The following KMT2C variants were observed in gnomAD, a reference collection of about 807,000 sequenced individuals.
KMT2C encodes the protein histone-lysine N-methyltransferase 2C.
In KMT2C, 88 loss-of-function variants were observed where a neutral mutation model predicts 507.9. The ratio of observed to expected loss-of-function variants is 0.17; its 90% confidence interval spans 0.15 to 0.21. KMT2C has a LOEUF of 0.21. Among genes scored for constraint, KMT2C ranks in the 10% least tolerant of loss-of-function variants. The probability of loss-of-function intolerance (pLI) is 1.00; values close to 1 mark genes in which losing one functional copy is unlikely to be tolerated. For synonymous variants in KMT2C, 2,049 were observed against 2,080.8 expected, an observed-to-expected ratio of 0.98 and a Z score of 0.42; for missense variants, 4,954 against 5,957.8, an observed-to-expected ratio of 0.83 and a Z score of 5.55.
chr7:152,185,126 C>T (rs1304605392), intron 34 of KMT2C, among the ~76,000 whole-genome samples: 7 of 152,102 alleles, frequency 4.6e-5, no homozygotes, highest in East Asian at 1.9e-4. Context: ...CTATGTAAAT[C>T]GTTGTTACAT....
At chr7:152,368,254 A>G (rs927969497) in intron 1 of KMT2C, 1 of 917,622 alleles carries the variant, frequency 1.1e-6, no homozygotes, top group African/African-American at 1.6e-5. Flanking sequence ...AGATGTTACT[A>G]ATAATGTCCA....
At position 152,389,591 on chromosome 7, in the gene KMT2C, A is replaced by G. The variant is rs536563363; in HGVS notation, c.162-30916T>C. On this transcript the variant is annotated intron_variant, in intron 1 of 58. Transcript: ENST00000262189. Reference sequence around the variant, plus strand: ...CAAGTAGCTGGGACTACAGGCATGCACCACCATACCTGGCTAAGTTTTATT... The same window carrying G: ...CAAGTAGCTGGGACTACAGGCATGCGCCACCATACCTGGCTAAGTTTTATT... 2.0e-5 allele frequency among the ~76,000 whole-genome samples: 3 copies of G among 152,024 alleles called. No homozygotes were observed. The South Asian group carries it at 6.2e-4, about 32-fold the overall frequency.
At chr7:152,210,721 A>G (rs1472610512) in intron 23 of KMT2C, among the ~76,000 whole-genome samples, 2 of 152,166 alleles carry the variant, frequency 1.3e-5, no homozygotes, top group Admixed American at 1.3e-4. Flanking sequence ...ACTAAGTAGG[A>G]AGAAAAAAAA....
chr7:152,349,243 C>T (rs753197195), intron 2 of KMT2C, among the ~76,000 whole-genome samples: 3 of 151,968 alleles, frequency 2.0e-5, no homozygotes, highest in South Asian at 2.1e-4. Context: ...ATCAGGAGTT[C>T]GAGACCAGCC....
intron 2 of KMT2C, among the ~76,000 whole-genome samples, chr7:152,357,281 T>A (rs750937016): frequency 1.3e-5 from 2 of 151,888 alleles, no homozygotes; most frequent in African/African-American, 4.8e-5. Flanking sequence ...TCCCAGCACT[T>A]TGGGAGGCTG....
At chr7:152,344,092 T>C (rs1438058447) in intron 2 of KMT2C, among the ~76,000 whole-genome samples, 1 of 152,132 alleles carries the variant, frequency 6.6e-6, no homozygotes, top group East Asian at 1.9e-4. Flanking sequence ...TATGTATAAA[T>C]ACATATGCTT....
At chr7:152,379,602 G>A (rs1231616756) in intron 1 of KMT2C, among the ~76,000 whole-genome samples, 1 of 152,242 alleles carries the variant, frequency 6.6e-6, no homozygotes, top group Non-Finnish European at 1.5e-5. Flanking sequence ...TAGAGCCCCA[G>A]CTACTCAGAG....
chr7:152,300,781 C>T (rs866972476), intron 6 of KMT2C, among the ~76,000 whole-genome samples: 8 of 152,192 alleles, frequency 5.3e-5, no homozygotes, highest in Middle Eastern at 3.4e-3. Context: ...AAGAGCTGGC[C>T]GGGCACAGTG....
intron 31 of KMT2C, among the ~76,000 whole-genome samples, chr7:152,191,489 G>T (rs999685397): frequency 6.6e-6 from 1 of 152,086 alleles, no homozygotes; most frequent in African/African-American, 2.4e-5. Flanking sequence ...CAATCAGCAC[G>T]GAAGTATCTT....
chr7:152,170,660 G>A (rs769060493), intron 40 of KMT2C, among the ~76,000 whole-genome samples: 21 of 152,002 alleles, frequency 1.4e-4, no homozygotes, highest in Non-Finnish European at 2.8e-4. Context: ...GCGCCACCAC[G>A]CCTGACTAAT....
In KMT2C at chr7:152,174,244, T is replaced by C; in HGVS notation, c.9263-2A>G. The stretch of plus-strand genomic sequence containing the variant: ...TAGGATCTGTAATTGCATCAAAATC[T>C]AGAAAAGAAATATAAAGTTACTTAT... On this transcript the variant is annotated splice_acceptor_variant, in intron 38 of 58. Coordinates refer to ENST00000262189, the MANE Select transcript of KMT2C (RefSeq NM_170606.3). LOFTEE classifies it high-confidence loss of function. The C allele has an allele frequency of 1.4e-6, 2 of 1,463,724 alleles. No homozygotes were observed. The highest frequency in any genetic ancestry group is 9.5e-7 in the Non-Finnish European group (1 of 1,051,242). The allele number at this position is 1,463,724 out of a possible 1,614,324, so 90.7% of individuals were successfully genotyped here. A position where few individuals can be genotyped will look rare whatever the true frequency, so the allele number is the denominator to read the frequency against.
In KMT2C at chr7:152,154,140, T is replaced by C. The variant is rs1370992083; in HGVS notation, c.12146A>G (p.Glu4049Gly). 6.2e-7 allele frequency: 1 copy of C among 1,613,890 alleles called. No homozygotes were observed. Among genetic ancestry groups the C allele is most frequent in the East Asian group, 2.2e-5 (1 of 44,886 alleles). The change falls in exon 48 of 59, where the codon GAA (glutamate) becomes GGA (glycine). Residue 4049 changes from glutamate to glycine, a missense_variant. By Grantham distance (98) the Glu-to-Gly change is moderately conservative (BLOSUM62 -2). Coordinates refer to ENST00000262189, the MANE Select transcript of KMT2C (RefSeq NM_170606.3). ...AGTTTTGATGTCATTCCTTCTTGAT[T>C]CTGAACCTTTAAAAAGAGAGAAAAA... The part of the protein sequence containing the change: ...ILPSTAGKSS[E>G]SRRNDIKTEP...
intron 5 of KMT2C, among the ~76,000 whole-genome samples, chr7:152,311,135 T>G (rs561566571): frequency 5.3e-5 from 8 of 152,346 alleles, no homozygotes; most frequent in Non-Finnish European, 5.9e-5. Context: ...ATGTTTCTGG[T>G]ATCTTTATAT....
At chr7:152,145,973 CAG>C (rs2091062556) in intron 53 of KMT2C, among the ~76,000 whole-genome samples, 1 of 152,182 alleles carries the variant, frequency 6.6e-6, no homozygotes. Context: ...GCACATTACT[CAG>C]TGGCTTTTGG....
At chr7:152,433,582 A>C (rs2097885478) in intron 1 of KMT2C, among the ~76,000 whole-genome samples, 1 of 152,270 alleles carries the variant, frequency 6.6e-6, no homozygotes, top group African/African-American at 2.4e-5. Context: ...TCCTATAAAG[A>C]AAGCAGTACT....
intron 2 of KMT2C, among the ~76,000 whole-genome samples, chr7:152,356,815 C>T (rs1329592034): frequency 1.3e-5 from 2 of 148,898 alleles, no homozygotes; most frequent in African/African-American, 5.0e-5. Flanking sequence ...CACTGGAACC[C>T]GGGAGACAGA....
Position 152,384,567 on chromosome 7 carries a change from C to T in KMT2C, c.162-25892G>A, listed in dbSNP as rs2097404617. ...TGCATAACACCACCACCACCACCAC[C>T]ACCACCACCACCACCACCACCACCA... is the stretch of plus-strand genomic sequence containing the variant. On this transcript the variant is annotated intron_variant, in intron 1 of 58. Coordinates refer to ENST00000262189, the MANE Select transcript of KMT2C (RefSeq NM_170606.3). Among the ~76,000 whole-genome samples the T allele has an allele frequency of 1.6e-3, 233 of 146,906 alleles. 5 individuals carry two copies. The highest frequency in any genetic ancestry group is 3.9e-3 in the African/African-American group (158 of 40,132).
chr7:152,260,350 C>T (rs571368640), intron 9 of KMT2C, among the ~76,000 whole-genome samples: 3 of 152,082 alleles, frequency 2.0e-5, no homozygotes, highest in East Asian at 1.9e-4. Context: ...GAGAAAGACA[C>T]CCAGAATTCT....
chr7:152,270,233 G>C (rs1396485225), intron 7 of KMT2C, among the ~76,000 whole-genome samples: 1 of 152,186 alleles, frequency 6.6e-6, no homozygotes, highest in Non-Finnish European at 1.5e-5. Context: ...AGGTAGATAA[G>C]AAAGGTCAGA....
Sources: allele counts gnomAD v4.1 joint callset (sites outside exome capture counted in the v4.1 genomes callset), GRCh38; gene constraint gnomAD v4.1.1; transcripts MANE v1.5; gene names NCBI Gene and HGNC (gene_info 2026-07-23, HGNC 2026-07-21).